Variants in ZNF704 observed in about 807,000 individuals in gnomAD.
The protein encoded by ZNF704 is glucocorticoid induced gene 1.
ZNF704 carries 10 observed loss-of-function variants against 44.7 expected under a neutral mutation model. The observed-to-expected ratio is 0.22, with a 90% CI of 0.14 to 0.38. The LOEUF is 0.38. Among genes scored for constraint, ZNF704 ranks in the 10% least tolerant of loss-of-function variants. The pLI, the probability that ZNF704 is intolerant of heterozygous loss-of-function variation, is 1.00. For missense variants in ZNF704, 390 were observed against 545.5 expected (o/e 0.71, Z 2.84); for synonymous variants, 211 against 207.6 (o/e 1.02, Z -0.14).
intron 1 of ZNF704, among the ~76,000 whole-genome samples, chr8:80,865,093 T>C (rs1179940349): frequency 6.6e-6 from 1 of 152,192 alleles, no homozygotes; most frequent in East Asian, 1.9e-4. Flanking sequence ...CTCTCTGAAA[T>C]GCCTTGGTAG....
chr8:80,824,500 A>T (rs373004559), intron 1 of ZNF704, among the ~76,000 whole-genome samples: 7 of 152,316 alleles, frequency 4.6e-5, no homozygotes, highest in East Asian at 3.9e-4. Context: ...TGGAAAACAC[A>T]CTGCAGGATA....
At chr8:80,842,929 C>T (rs543148559) in intron 1 of ZNF704, among the ~76,000 whole-genome samples, 9 of 152,290 alleles carry the variant, frequency 5.9e-5, no homozygotes, top group African/African-American at 2.2e-4. Context: ...CTTGGATCTT[C>T]TTCACAGGGG....
chr8:80,731,363 A>G (rs1400390371), intron 2 of ZNF704, among the ~76,000 whole-genome samples: 1 of 152,200 alleles, frequency 6.6e-6, no homozygotes, highest in Non-Finnish European at 1.5e-5. Flanking sequence ...AAGGAATGGT[A>G]TATGTGGTGA....
At chr8:80,803,432 T>A (rs1479578204) in intron 2 of ZNF704, among the ~76,000 whole-genome samples, 1 of 152,126 alleles carries the variant, frequency 6.6e-6, no homozygotes, top group East Asian at 1.9e-4. Context: ...ATCTTCAAAC[T>A]ATACCTCAAG....
chr8:80,758,262 A>G (rs1356443485), intron 2 of ZNF704, among the ~76,000 whole-genome samples: 1 of 152,234 alleles, frequency 6.6e-6, no homozygotes, highest in Non-Finnish European at 1.5e-5. Flanking sequence ...GAGGTGCATT[A>G]AAAGCTGGCT....
upstream of ZNF704, among the ~76,000 whole-genome samples, chr8:80,879,240 A>ATT (rs34086990): frequency 0.015 from 2,124 of 146,282 alleles, 30 homozygotes; most frequent in African/African-American, 0.03. Flanking sequence ...ATGCATGTCA[A>ATT]TTTTTTTTTT....
intron 4 of ZNF704, among the ~76,000 whole-genome samples, chr8:80,674,098 G>T (rs1480437779): frequency 6.6e-6 from 1 of 152,210 alleles, no homozygotes; most frequent in Non-Finnish European, 1.5e-5. Flanking sequence ...GACACAATTA[G>T]GAGACTTTAA....
At chr8:80,671,860 C>G (rs1406787962) in intron 4 of ZNF704, among the ~76,000 whole-genome samples, 7 of 152,154 alleles carry the variant, frequency 4.6e-5, no homozygotes, top group African/African-American at 1.7e-4. Context: ...CCCCAGTCTG[C>G]TCTGCTGGCT....
In ZNF704 at chr8:80,630,685, GGGACC is replaced by G. The variant is rs1472038479; in HGVS notation, c.*10676_*10680del. ...ATCTGATGATAGTCATGAACCCTTT[GGGACC>G]TAGCGATTTTTTCTTATCCTGAGTT... On this transcript the variant is annotated 3_prime_UTR_variant, in exon 9 of 9. Transcript: ENST00000327835. The G allele has an allele frequency of 1.3e-5, 2 of 152,040 alleles. No individual in the cohort carries two copies. The highest frequency in any genetic ancestry group is 2.9e-5 in the Non-Finnish European group (2 of 68,004). 9.4% of individuals were successfully genotyped at this position (152,040 alleles called of 1,614,324 possible).
chr8:80,787,286 G>A (rs1251598804), intron 2 of ZNF704, among the ~76,000 whole-genome samples: 1 of 152,102 alleles, frequency 6.6e-6, no homozygotes. Context: ...ATGCATATGA[G>A]AGCACACGTG....
intron 2 of ZNF704, among the ~76,000 whole-genome samples, chr8:80,718,653 C>G (rs1249091448): frequency 1.3e-5 from 2 of 152,136 alleles, no homozygotes; most frequent in Admixed American, 1.3e-4. Context: ...AACCTAAACC[C>G]AAACTGCAGT....
At chr8:80,727,003 C>A (rs546390575) in intron 2 of ZNF704, among the ~76,000 whole-genome samples, 1 of 152,222 alleles carries the variant, frequency 6.6e-6, no homozygotes, top group Admixed American at 6.5e-5. Context: ...TTGCAATAAT[C>A]TTTTGATCTA....
intron 1 of ZNF704, among the ~76,000 whole-genome samples, chr8:80,826,305 T>C (rs977574878): frequency 2.0e-5 from 3 of 152,050 alleles, no homozygotes; most frequent in Non-Finnish European, 2.9e-5. Flanking sequence ...AACACCTCTA[T>C]GCAAATAAAC....
At chr8:80,811,613 C>T (rs1474171962) in intron 2 of ZNF704, among the ~76,000 whole-genome samples, 2 of 152,196 alleles carry the variant, frequency 1.3e-5, no homozygotes, top group Non-Finnish European at 2.9e-5. Flanking sequence ...GAAAATACCA[C>T]TAGGACAGGG....
chr8:80,659,626 T>C lies in ZNF704; in HGVS notation c.991A>G (p.Ile331Val). Reference sequence around the variant, plus strand: ...GTGACCGGAGGAGATTGCCAGGAAATGCTGAAGCTGCTGCCATTGGGGGTG... The same window carrying C: ...GTGACCGGAGGAGATTGCCAGGAAACGCTGAAGCTGCTGCCATTGGGGGTG... ...KFTPNGSSFS[I>V]SWQSPPVTFT... The change falls in exon 7 of 9, where the codon ATT (isoleucine) becomes GTT (valine). Residue 331 changes from isoleucine (I) to valine (V), a missense_variant. This residue lies in a region of ZNF704 where 305 missense variants were observed against 435.7 expected (regional missense o/e 0.70). Coordinates refer to ENST00000327835, the MANE Select transcript of ZNF704 (RefSeq NM_001033723.3). The C allele has an allele frequency of 6.2e-7, 1 of 1,613,998 alleles. No individual in the cohort carries two copies. Among genetic ancestry groups the C allele is most frequent in the Non-Finnish European group, 8.5e-7 (1 of 1,179,944 alleles).
chr8:80,686,076 A>C (rs1205897417), intron 4 of ZNF704, among the ~76,000 whole-genome samples: 1 of 152,228 alleles, frequency 6.6e-6, no homozygotes, highest in Non-Finnish European at 1.5e-5. Context: ...GTTTTCCTTT[A>C]TTCTGTGAAA....
rs1010382785 is a variant in ZNF704, at chr8:80,874,442, C to G, written c.-22+129G>C. On this transcript the variant is annotated intron_variant, in intron 1 of 8. Coordinates refer to ENST00000327835, the MANE Select transcript of ZNF704 (RefSeq NM_001033723.3). The surrounding 1 kb of genome is among the most constrained non-coding windows in gnomAD (Gnocchi z 4.4). ...CCGCGCGCTCCGGGCCTACCGCTGC[C>G]GTGCCTCGGCGCGAGCTGTTTGTGT... 2.7e-5 allele frequency: 4 copies of G among 150,700 alleles called. No individual in the cohort carries two copies. Among genetic ancestry groups the G allele is most frequent in the Non-Finnish European group, 5.9e-5 (4 of 67,576 alleles). 9.3% of individuals were successfully genotyped at this position (150,700 alleles called of 1,614,324 possible). A position where few individuals can be genotyped will look rare whatever the true frequency, so the allele number is the denominator to read the frequency against.
chr8:80,744,180 C>A (rs181673060), intron 2 of ZNF704, among the ~76,000 whole-genome samples: 1 of 152,038 alleles, frequency 6.6e-6, no homozygotes, highest in African/African-American at 2.4e-5. Flanking sequence ...ATTTTAGACA[C>A]GGTGGTTAAA....
chr8:80,852,839 TA>T (rs2130006454), intron 1 of ZNF704, among the ~76,000 whole-genome samples: 1 of 152,300 alleles, frequency 6.6e-6, no homozygotes, highest in Admixed American at 6.5e-5. Flanking sequence ...TAATAATATT[TA>T]TGTTTTAGCC....
Sources: allele counts gnomAD v4.1 joint callset (sites outside exome capture counted in the v4.1 genomes callset), GRCh38; gene constraint gnomAD v4.1.1; regional missense constraint gnomAD v4.1.1; non-coding constraint Gnocchi (gnomAD v3.1); transcripts MANE v1.5; gene names NCBI Gene and HGNC (gene_info 2026-07-23, HGNC 2026-07-21).